The following GPR78 variants were observed in gnomAD, a reference collection of about 807,000 sequenced individuals.
GPR78 encodes the protein G protein-coupled receptor 78.
A neutral mutation model predicts 17.9 loss-of-function variants in GPR78; 29 were observed. The ratio of observed to expected loss-of-function variants is 1.62; its 90% CI spans 1.20 to 2.21. The LOEUF is 2.21. Ranked by LOEUF, GPR78 falls within the 30% of genes most tolerant of loss-of-function variation. GPR78 has a pLI of 0.00. For missense variants in GPR78, 649 were observed against 530.5 expected (o/e 1.22, Z -2.19); for synonymous variants, 349 against 256.9 (o/e 1.36, Z -3.43).
chr4:8,585,360 C>T (rs994626929), intron 2 of GPR78, among the ~76,000 whole-genome samples: 1 of 152,180 alleles, frequency 6.6e-6, no homozygotes, highest in African/African-American at 2.4e-5. Flanking sequence ...CGTGGCTTAA[C>T]TAGGGGATAG....
rs372068105 is a variant in GPR78 at position 8,581,568 on chromosome 4, C to T, written c.586C>T (p.His196Tyr). 4 of 1,577,168 alleles carry T rather than the reference C, an allele frequency of 2.5e-6. No homozygotes were observed. Among genetic ancestry groups the T allele is most frequent in the Non-Finnish European group, 3.4e-6 (4 of 1,169,458 alleles). ...AVLCLTSLQV[H>Y]RVARRHCQRM... Reference sequence around the variant, plus strand: ...GCTCTGCCTCACCTCGCTCCAGGTGCACCGGGTGGCACGCAGACACTGCCA... The same window carrying T: ...GCTCTGCCTCACCTCGCTCCAGGTGTACCGGGTGGCACGCAGACACTGCCA... The change falls in exon 1 of 3, where the codon CAC (histidine) becomes TAC (tyrosine). Residue 196 changes from histidine to tyrosine, a missense_variant. Coordinates refer to ENST00000382487, the MANE Select transcript of GPR78 (RefSeq NM_080819.5).
rs1713539473 is a variant in GPR78, at chr4:8,587,093, G to C, written c.822G>C (p.Gln274His). ...TGCCCTTCGTCACCGTGAACGCCCA[G>C]TGGGGCATCCTCAGCAAGTGCCTGA... ...ELVPFVTVNA[Q>H]WGILSKCLTY... Residue 274 changes from glutamine to histidine, a missense_variant, in exon 3 of 3, where the codon CAG becomes CAC. Transcript: ENST00000382487. 7 of 1,613,180 alleles carry C rather than the reference G, an allele frequency of 4.3e-6. No individual in the cohort carries two copies. Among genetic ancestry groups the C allele is most frequent in the Non-Finnish European group, 5.9e-6 (7 of 1,179,948 alleles).
intron 2 of GPR78, among the ~76,000 whole-genome samples, chr4:8,585,474 C>T (rs890551722): frequency 1.3e-5 from 2 of 152,132 alleles, no homozygotes; most frequent in African/African-American, 2.4e-5. Context: ...ACCTTCCTTC[C>T]CACTTGCCTG....
At position 8,588,185 on chromosome 4, in the gene GPR78, C is replaced by G. The variant is rs912503168; in HGVS notation, c.*822C>G. On this transcript the variant is annotated 3_prime_UTR_variant, in exon 3 of 3. Transcript: ENST00000382487. ...CACCGCTGGGCCTCTGGATCTTAGA[C>G]ATGAGACGGTCAAGAGATTGAAGTA... Among the ~76,000 whole-genome samples the G allele has an allele frequency of 2.0e-5, 3 of 152,248 alleles. No individual in the cohort carries two copies. Among genetic ancestry groups the G allele is most frequent in the African/African-American group, 7.2e-5 (3 of 41,476 alleles).
chr4:8,581,000 G>C lies in GPR78; in HGVS notation c.18G>C (p.Ala6=). 6.3e-7 allele frequency: 1 copy of C among 1,589,074 alleles called. No individual in the cohort carries two copies. Among genetic ancestry groups the C allele is most frequent in the East Asian group, 2.3e-5 (1 of 44,314 alleles). MGPGE[A]LLAGLLVMVL... ...CTAGCGCCATGGGCCCCGGCGAGGC[G>C]CTGCTGGCGGGTCTCCTGGTGATGG... The change falls in exon 1 of 3, where the codon GCG becomes GCC. Residue 6 remains alanine, a synonymous_variant. Transcript: ENST00000382487.
rs773254337 is a variant in GPR78, at chr4:8,581,406, C to T, written c.424C>T (p.Leu142Phe). ...GTCGCTGGCCTTCTCAGGCGCTGCA[C>T]TTGGCTGCTCGTGGCTTGGCTACAG... ...GQSLAFSGAA[L>F]GCSWLGYSSA... The change falls in exon 1 of 3, where the codon CTT becomes TTT. Residue 142 changes from leucine to phenylalanine, a missense_variant. Coordinates refer to ENST00000382487, the MANE Select transcript of GPR78 (RefSeq NM_080819.5). The T allele has an allele frequency of 4.4e-6, 7 of 1,588,920 alleles. No homozygotes were observed. The South Asian group carries it at 6.7e-5, about 15-fold the overall frequency.
At position 8,588,701 on chromosome 4, in the gene GPR78, C is replaced by T. The variant is rs1713616992; in HGVS notation, c.*1338C>T. Among the ~76,000 whole-genome samples, 2 of 152,332 alleles carry T rather than the reference C, an allele frequency of 1.3e-5. No individual in the cohort carries two copies. The highest frequency in any genetic ancestry group is 2.4e-5 in the African/African-American group (1 of 41,580). ...AGCCTGTATCATGACACCTTACACCCAAGGCCAGCAATGCAAGGAGAGTAT... is the reference window on the plus strand; with the variant it reads ...AGCCTGTATCATGACACCTTACACCTAAGGCCAGCAATGCAAGGAGAGTAT... On this transcript the variant is annotated 3_prime_UTR_variant, in exon 3 of 3. Coordinates refer to ENST00000382487, the MANE Select transcript of GPR78 (RefSeq NM_080819.5).
At chr4:8,584,866 G>C (rs1373432970) in intron 2 of GPR78, among the ~76,000 whole-genome samples, 1 of 152,208 alleles carries the variant, frequency 6.6e-6, no homozygotes, top group Admixed American at 6.5e-5. Context: ...TCCTGCAATT[G>C]CTGAAAATAT....
chr4:8,589,983 G>A lies in GPR78; in HGVS notation c.*2620G>A, dbSNP rs542274727. On this transcript the variant is annotated 3_prime_UTR_variant, in exon 3 of 3. Transcript: ENST00000382487. ...TTAAACGTGTTGTGGAATGATGCTGGGTCTCAAGAATGCTGTGAATCAATA... is the reference window on the plus strand; with the variant it reads ...TTAAACGTGTTGTGGAATGATGCTGAGTCTCAAGAATGCTGTGAATCAATA... Among the ~76,000 whole-genome samples, 2 of 151,440 alleles carry A rather than the reference G, an allele frequency of 1.3e-5. No homozygotes were observed. The highest frequency in any genetic ancestry group is 2.4e-5 in the African/African-American group (1 of 41,192).
chr4:8,584,244 G>A (rs1713410616), intron 2 of GPR78, among the ~76,000 whole-genome samples: 1 of 152,214 alleles, frequency 6.6e-6, no homozygotes, highest in Non-Finnish European at 1.5e-5. Context: ...ATTCATGGGT[G>A]TAACTGTTAT....
At chr4:8,585,593 C>T (rs1168875284) in intron 2 of GPR78, among the ~76,000 whole-genome samples, 2 of 152,098 alleles carry the variant, frequency 1.3e-5, no homozygotes, top group Admixed American at 6.5e-5. Context: ...AAGCCCTTTC[C>T]GGACTATCAC....
rs919179643 is a variant in GPR78 at position 8,581,171 on chromosome 4, G to A, written c.189G>A (p.Thr63=). Residue 63 remains threonine (T), a synonymous_variant, in exon 1 of 3, where the codon ACG becomes ACA. Coordinates refer to ENST00000382487, the MANE Select transcript of GPR78 (RefSeq NM_080819.5). ...TGGCGGCGCTGGACATGCCCTTCAC[G>A]CTGCTCGGTGTGATGCGCGGGCGGA... ...LLLAALDMPF[T]LLGVMRGRTP... The A allele has an allele frequency of 1.2e-6, 2 of 1,603,440 alleles. No homozygotes were observed. The highest frequency in any genetic ancestry group is 1.7e-6 in the Non-Finnish European group (2 of 1,179,556).
At chr4:8,582,494 C>T (rs753730950) in intron 1 of GPR78, 37 bp from the exon 2 acceptor site, 43 of 1,423,946 alleles carry the variant, frequency 3.0e-5, no homozygotes, top group Non-Finnish European at 4.1e-5. Context: ...TGTCCCCACC[C>T]TGCCATCATC....
chr4:8,581,474 T>C lies in GPR78; in HGVS notation c.492T>C (p.Pro164=), dbSNP rs950635771. 10 of 1,592,116 alleles carry C rather than the reference T, an allele frequency of 6.3e-6. No individual in the cohort carries two copies. Among genetic ancestry groups the C allele is most frequent in the South Asian group, 1.1e-5 (1 of 89,754 alleles). ...GTTCGCTGCGCCTGCCGCCCGAGCC[T>C]GAGCGTCCGCGCTTCGCAGCCTTCA... ...ASCSLRLPPE[P]ERPRFAAFTA... The change falls in exon 1 of 3, where the codon CCT becomes CCC. Residue 164 remains proline, a synonymous_variant. Coordinates refer to ENST00000382487, the MANE Select transcript of GPR78 (RefSeq NM_080819.5).
Position 8,581,019 on chromosome 4 carries a change from G to C in GPR78, c.37G>C (p.Val13Leu), listed in dbSNP as rs1713254660. The C allele has an allele frequency of 2.5e-6, 4 of 1,595,512 alleles. No homozygotes were observed. The highest frequency in any genetic ancestry group is 3.4e-6 in the Non-Finnish European group (4 of 1,172,354). ...CGAGGCGCTGCTGGCGGGTCTCCTG[G>C]TGATGGTACTGGCCGTGGCGCTGCT... is the stretch of plus-strand genomic sequence containing the variant. Reference protein sequence around the residue: ...PGEALLAGLLVMVLAVALLSN... With the variant: ...PGEALLAGLLLMVLAVALLSN... The change falls in exon 1 of 3, where the codon GTG (valine) becomes CTG (leucine). Residue 13 changes from valine (V) to leucine (L), a missense_variant. By Grantham distance (32) the Val-to-Leu change is conservative. Coordinates refer to ENST00000382487, the MANE Select transcript of GPR78 (RefSeq NM_080819.5).
In GPR78 at chr4:8,588,350, G is replaced by A. The variant is rs958651841; in HGVS notation, c.*987G>A. On this transcript the variant is annotated 3_prime_UTR_variant, in exon 3 of 3. Coordinates refer to ENST00000382487, the MANE Select transcript of GPR78 (RefSeq NM_080819.5). ...GCATCACCCCCAGTTTAGTAATCAC[G>A]GGGTGCCATTCCCCGGTGGGAGCAC... Among the ~76,000 whole-genome samples the A allele has an allele frequency of 6.6e-6, 1 of 152,178 alleles. No homozygotes were observed. The highest frequency in any genetic ancestry group is 1.5e-5 in the Non-Finnish European group (1 of 68,020).
chr4:8,581,452 C>T lies in GPR78; in HGVS notation c.470C>T (p.Ser157Leu), dbSNP rs200689905. 157 of 1,590,940 alleles carry T rather than the reference C, an allele frequency of 9.9e-5. No homozygotes were observed. The highest frequency in any genetic ancestry group is 1.8e-4 in the Middle Eastern group (1 of 5,522). The change falls in exon 1 of 3, where the codon TCG becomes TTG. Residue 157 changes from serine to leucine, a missense_variant. Physicochemically the swap from Ser to Leu is moderately radical, Grantham distance 145. Coordinates refer to ENST00000382487, the MANE Select transcript of GPR78 (RefSeq NM_080819.5). ...LGYSSAFASC[S>L]LRLPPEPERP... ...TACAGCAGCGCCTTCGCGTCCTGTT[C>T]GCTGCGCCTGCCGCCCGAGCCTGAG...
At chr4:8,584,211 G>C (rs868434746) in intron 2 of GPR78, among the ~76,000 whole-genome samples, 2 of 149,630 alleles carry the variant, frequency 1.3e-5, no homozygotes, top group Non-Finnish European at 2.9e-5. Flanking sequence ...AGTGAGACTG[G>C]CTTACTCAGC....
rs4274827 is a variant in GPR78 at position 8,580,490 on chromosome 4, G to C, written c.-493G>C. On this transcript the variant is annotated 5_prime_UTR_variant, in exon 1 of 3. Transcript: ENST00000382487. ...TCCACTGAGTGGCTCTTGCTGGCGT[G>C]TCAGCTGCGCGCGAACCAGGGCTGG... is the stretch of plus-strand genomic sequence containing the variant. 0.42 allele frequency: 65,591 copies of C among 156,602 alleles called. 14,879 individuals carry two copies. Among genetic ancestry groups the C allele is most frequent in the African/African-American group, 0.58 (23,990 of 41,674 alleles). 9.7% of individuals were successfully genotyped at this position (156,602 alleles called of 1,614,324 possible).
Sources: allele counts gnomAD v4.1 joint callset (sites outside exome capture counted in the v4.1 genomes callset), GRCh38; gene constraint gnomAD v4.1.1; transcripts MANE v1.5; gene names NCBI Gene and HGNC (gene_info 2026-07-23, HGNC 2026-07-21).